OXR1: variants seen among roughly 807,000 people sequenced by gnomAD.
OXR1 encodes the protein oxidation resistance 1.
Under a neutral mutation model 104.6 loss-of-function variants are expected in OXR1, and 41 were observed. That is an observed-to-expected ratio of 0.39 (90% confidence interval 0.31 to 0.51). OXR1 has a LOEUF of 0.51. OXR1 is among the 20% of genes least tolerant of loss of function. The pLI, the probability that OXR1 is intolerant of heterozygous loss-of-function variation, is 0.77. For missense variants in OXR1, 955 were observed against 1,031.9 expected, an observed-to-expected ratio of 0.93 and a Z score of 1.02; for synonymous variants, 348 against 348.4, an observed-to-expected ratio of 1.00 and a Z score of 0.01.
intron 3 of OXR1, among the ~76,000 whole-genome samples, chr8:106,660,497 A>C (rs1825651080): frequency 6.6e-6 from 1 of 152,168 alleles, no homozygotes; most frequent in Admixed American, 6.5e-5. Context: ...ATACTTTCAC[A>C]CATGTAAATT....
intron 2 of OXR1, among the ~76,000 whole-genome samples, chr8:106,426,507 T>A (rs1239981069): frequency 6.6e-6 from 1 of 152,206 alleles, no homozygotes; most frequent in Non-Finnish European, 1.5e-5. Context: ...AGATTTCTTC[T>A]GGAATGAAAG....
intron 1 of OXR1, among the ~76,000 whole-genome samples, chr8:106,352,803 A>G (rs1815789356): frequency 6.6e-6 from 1 of 152,240 alleles, no homozygotes; most frequent in Non-Finnish European, 1.5e-5. Flanking sequence ...CGAAGTAGAT[A>G]TAGATATAAA....
chr8:106,441,946 A>G (rs1426801684), intron 2 of OXR1, among the ~76,000 whole-genome samples: 1 of 152,174 alleles, frequency 6.6e-6, no homozygotes, highest in Non-Finnish European at 1.5e-5. Context: ...AAAACTTCCA[A>G]TACTATGTTG....
intron 2 of OXR1, among the ~76,000 whole-genome samples, chr8:106,447,601 A>G (rs931257337): frequency 6.6e-6 from 1 of 152,210 alleles, no homozygotes; most frequent in Non-Finnish European, 1.5e-5. Flanking sequence ...GAACACAATG[A>G]ATTACAGTGA....
intron 7 of OXR1, among the ~76,000 whole-genome samples, chr8:106,696,644 C>A (rs993772271): frequency 2.0e-5 from 3 of 152,224 alleles, no homozygotes; most frequent in African/African-American, 7.2e-5. Context: ...TTTTAGACTT[C>A]AGCCGTTCTA....
chr8:106,531,007 A>G (rs73699546), intron 3 of OXR1, among the ~76,000 whole-genome samples: 2,120 of 152,298 alleles, frequency 0.014, 44 homozygotes, highest in African/African-American at 0.048. Flanking sequence ...ATGTTACCAT[A>G]TATGTTTGAA....
chr8:106,331,744 A>AGCTT (rs1263895132), intron 1 of OXR1, among the ~76,000 whole-genome samples: 1 of 152,038 alleles, frequency 6.6e-6, no homozygotes, highest in Non-Finnish European at 1.5e-5. Flanking sequence ...GTTCTGTACC[A>AGCTT]GCTTGGCCAA....
chr8:106,677,443 T>A (rs1414816952), intron 3 of OXR1, among the ~76,000 whole-genome samples: 2 of 152,138 alleles, frequency 1.3e-5, no homozygotes, highest in Non-Finnish European at 2.9e-5. Flanking sequence ...AATTCTACCA[T>A]ATTGCATTGC....
At chr8:106,309,186 T>C (rs1813594152) in intron 1 of OXR1, among the ~76,000 whole-genome samples, 1 of 152,110 alleles carries the variant, frequency 6.6e-6, no homozygotes, top group Non-Finnish European at 1.5e-5. Context: ...CTCACTATGT[T>C]GCCTAAGCTG....
intron 3 of OXR1, among the ~76,000 whole-genome samples, chr8:106,550,487 C>T (rs1815716637): frequency 6.6e-6 from 1 of 152,184 alleles, no homozygotes; most frequent in Non-Finnish European, 1.5e-5. Context: ...TGGTTTGACT[C>T]TGAGTCCCCA....
In OXR1 at chr8:106,706,730, T is replaced by C. The variant is rs773443064; in HGVS notation, c.1209T>C (p.Asn403=). Residue 403 remains asparagine, a synonymous_variant, in exon 9 of 17, where the codon AAT becomes AAC. Coordinates refer to ENST00000517566, the MANE Select transcript of OXR1 (RefSeq NM_001198533.2). The part of the protein sequence containing the change: ...HLRSDTEHST[N]EVGTLCHKTD... ...GATCTGATACTGAACATTCTACAAA[T>C]GAAGTTGGGACTTTATGTCATAAAA... 1 of 1,611,500 alleles carries C rather than the reference T, an allele frequency of 6.2e-7. No homozygotes were observed. The highest frequency in any genetic ancestry group is 8.5e-7 in the Non-Finnish European group (1 of 1,179,408).
intron 3 of OXR1, among the ~76,000 whole-genome samples, chr8:106,563,195 A>G (rs970684647): frequency 1.3e-5 from 2 of 151,728 alleles, no homozygotes; most frequent in Non-Finnish European, 2.9e-5. Flanking sequence ...TAGAATCAAG[A>G]CCCATTGGTG....
At chr8:106,295,913 C>A (rs1812976391) in intron 1 of OXR1, among the ~76,000 whole-genome samples, 2 of 152,106 alleles carry the variant, frequency 1.3e-5, no homozygotes, top group Non-Finnish European at 2.9e-5. Flanking sequence ...GAACCTCTGT[C>A]CTGAAGAGTG....
At chr8:106,514,848 T>C (rs1479659940) in intron 2 of OXR1, among the ~76,000 whole-genome samples, 1 of 152,138 alleles carries the variant, frequency 6.6e-6, no homozygotes, top group Non-Finnish European at 1.5e-5. Flanking sequence ...TTGTTAATAA[T>C]GATAATTATT....
Position 106,331,024 on chromosome 8 carries a change from C to T in OXR1, c.-138-28452C>T, listed in dbSNP as rs1264034017. ...ATAAAGTTTTATTATAAATATCTTTCATATTAGAATTACTTTATTTGCAAT... is the reference window on the plus strand; with the variant it reads ...ATAAAGTTTTATTATAAATATCTTTTATATTAGAATTACTTTATTTGCAAT... On this transcript the variant is annotated intron_variant, in intron 1 of 16. Coordinates refer to ENST00000517566, the MANE Select transcript of OXR1 (RefSeq NM_001198533.2). Among the ~76,000 whole-genome samples the T allele has an allele frequency of 2.6e-5, 4 of 152,286 alleles. No individual in the cohort carries two copies. In the East Asian group the frequency reaches 7.7e-4, roughly 29 times the overall value.
At chr8:106,384,807 A>T (rs1586590375) in intron 2 of OXR1, among the ~76,000 whole-genome samples, 1 of 149,662 alleles carries the variant, frequency 6.7e-6, no homozygotes. Context: ...CTCTGCTTCC[A>T]GGGTTCAAGC....
At chr8:106,731,689 A>T (rs576853281) in intron 11 of OXR1, among the ~76,000 whole-genome samples, 3 of 152,288 alleles carry the variant, frequency 2.0e-5, no homozygotes, top group African/African-American at 7.2e-5. Context: ...GTTAAAAGTC[A>T]GTTGACTGTA....
intron 11 of OXR1, 67 bp from the exon 12 acceptor site, chr8:106,737,440 CTTTTTTTTTTTTT>C (rs71562118): frequency 7.4e-5 from 11 of 148,070 alleles, no homozygotes; most frequent in Non-Finnish European, 1.1e-4. Flanking sequence ...AATTTCTCCT[CTTTTTTTTTTTTT>C]TTTTTTTTTT....
chr8:106,439,211 A>G (rs540040449), intron 2 of OXR1, among the ~76,000 whole-genome samples: 1 of 152,198 alleles, frequency 6.6e-6, no homozygotes, highest in East Asian at 1.9e-4. Context: ...GGATTAGATT[A>G]GATCAAGAGA....
Sources: gnomAD v4.1 joint callset for allele counts (sites outside exome capture counted in the v4.1 genomes callset) on GRCh38, gnomAD v4.1.1 for gene constraint, MANE v1.5 for transcripts, NCBI Gene and HGNC (gene_info 2026-07-23, HGNC 2026-07-21) for gene names.